The following FGF12 variants were observed in gnomAD, a reference collection of about 807,000 sequenced individuals.
FGF12 encodes the protein fibroblast growth factor 12, also known as fibroblast growth factor 12B.
FGF12 carries 14 observed loss-of-function variants against 23.6 expected under a neutral mutation model. That is an observed-to-expected ratio of 0.59 (90% CI 0.39 to 0.93). The LOEUF is 0.93. Ranked by LOEUF, FGF12 falls within the 40% of genes least tolerant of loss-of-function variation. The pLI is 0.00. For synonymous variants in FGF12, 62 were observed against 77.3 expected (o/e 0.80, Z 1.04); for missense variants, 175 against 217.8 (o/e 0.80, Z 1.24).
At position 192,404,081 on chromosome 3, in the gene FGF12, G is replaced by A. The variant is rs78271291; in HGVS notation, c.14-43543C>T. On this transcript the variant is annotated intron_variant, in intron 2 of 5. Coordinates refer to ENST00000445105, the MANE Select transcript of FGF12 (RefSeq NM_004113.6). The stretch of plus-strand genomic sequence containing the variant: ...TACTCCATTACTTTTTAAAGGGATC[G>A]GCGTATGAAATCAAATCTTTAAATT... Among the ~76,000 whole-genome samples the A allele has an allele frequency of 3.1e-4, 47 of 152,078 alleles. 1 individual carries two copies. In the East Asian group the frequency reaches 5.6e-3, roughly 18 times the overall value.
chr3:192,317,054 CT>C (rs1355181470), intron 4 of FGF12, among the ~76,000 whole-genome samples: 1 of 152,096 alleles, frequency 6.6e-6, no homozygotes. Flanking sequence ...CACCAGCTAA[CT>C]AAAGAGCCCT....
At chr3:192,552,083 C>A (rs1311502544) in intron 2 of FGF12, among the ~76,000 whole-genome samples, 1 of 151,840 alleles carries the variant, frequency 6.6e-6, no homozygotes, top group Non-Finnish European at 1.5e-5. Flanking sequence ...GAAAAGAAAA[C>A]TATAACATAG....
intron 2 of FGF12, among the ~76,000 whole-genome samples, chr3:192,463,323 G>A (rs978798986): frequency 2.6e-5 from 4 of 152,066 alleles, no homozygotes; most frequent in African/African-American, 7.2e-5. Context: ...GGGAGGCTGA[G>A]GCAGGAGAAT....
intron 2 of FGF12, among the ~76,000 whole-genome samples, chr3:192,609,189 C>T (rs1459120617): frequency 6.6e-6 from 1 of 152,106 alleles, no homozygotes; most frequent in East Asian, 1.9e-4. Flanking sequence ...ACGGTAGTCA[C>T]ACCCTCTACC....
intron 2 of FGF12, among the ~76,000 whole-genome samples, chr3:192,681,742 A>G (rs1343120726): frequency 1.5e-5 from 2 of 129,352 alleles, no homozygotes; most frequent in African/African-American, 6.3e-5. Context: ...ACAGATGGGC[A>G]TACAGGGAGC....
intron 2 of FGF12, among the ~76,000 whole-genome samples, chr3:192,490,935 T>C (rs1723784392): frequency 6.6e-6 from 1 of 152,064 alleles, no homozygotes; most frequent in African/African-American, 2.4e-5. Context: ...GAATGTTCTG[T>C]TTTCTAATCT....
At position 192,514,591 on chromosome 3, in the gene FGF12, C is replaced by A; in HGVS notation, c.14-154053G>T. The A allele has an allele frequency of 1.5e-6, 1 of 659,618 alleles. No individual in the cohort carries two copies. The allele number at this position is 659,618 out of a possible 1,614,324, so 40.9% of individuals were successfully genotyped here. A position where few individuals can be genotyped will look rare whatever the true frequency, so the allele number is the denominator to read the frequency against. The stretch of plus-strand genomic sequence containing the variant: ...CAGCGCTGAATGAAGCAGAGGAGGG[C>A]GGCGGAGAGGGCCCCGGAAGAAGGG... On this transcript the variant is annotated intron_variant, in intron 2 of 5. Coordinates refer to ENST00000445105, the MANE Select transcript of FGF12 (RefSeq NM_004113.6). The surrounding 1 kb of genome is among the most constrained non-coding windows in gnomAD (Gnocchi z 4.9).
At chr3:192,702,230 A>G (rs1465231429) in intron 2 of FGF12, among the ~76,000 whole-genome samples, 1 of 152,150 alleles carries the variant, frequency 6.6e-6, no homozygotes, top group South Asian at 2.1e-4. Context: ...GTAGTTTATT[A>G]TATATATACC....
chr3:192,237,044 T>G (rs1719337970), intron 4 of FGF12, among the ~76,000 whole-genome samples: 1 of 152,194 alleles, frequency 6.6e-6, no homozygotes, highest in African/African-American at 2.4e-5. Flanking sequence ...ACAAATTCCC[T>G]TAGTGTTTGC....
At chr3:192,505,065 C>T (rs1382403600) in intron 2 of FGF12, among the ~76,000 whole-genome samples, 1 of 152,004 alleles carries the variant, frequency 6.6e-6, no homozygotes, top group African/African-American at 2.4e-5. Context: ...TAGACTGGTA[C>T]GTATGGTACA....
chr3:192,699,270 T>C (rs1295021574), intron 2 of FGF12, among the ~76,000 whole-genome samples: 3 of 152,200 alleles, frequency 2.0e-5, no homozygotes, highest in South Asian at 2.1e-4. Context: ...CATTTTGTTA[T>C]ACCTTAGTGT....
At chr3:192,382,806 A>T (rs1056559481) in intron 2 of FGF12, among the ~76,000 whole-genome samples, 4 of 152,342 alleles carry the variant, frequency 2.6e-5, no homozygotes, top group African/African-American at 9.6e-5. Context: ...GAATGCCTAT[A>T]TTTAAAACTT....
At chr3:192,195,524 T>G (rs1717021696) in intron 4 of FGF12, among the ~76,000 whole-genome samples, 1 of 152,186 alleles carries the variant, frequency 6.6e-6, no homozygotes, top group Non-Finnish European at 1.5e-5. Context: ...ATGGACAGGT[T>G]TGTAGCCTAG....
intron 2 of FGF12, among the ~76,000 whole-genome samples, chr3:192,517,687 C>T (rs1361950608): frequency 6.6e-6 from 1 of 152,156 alleles, no homozygotes; most frequent in Non-Finnish European, 1.5e-5. Context: ...TAATAGTAAG[C>T]TCGTACTTTG....
chr3:192,273,735 ACTT>A (rs1314804651), intron 4 of FGF12, among the ~76,000 whole-genome samples: 2 of 152,084 alleles, frequency 1.3e-5, no homozygotes, highest in Non-Finnish European at 2.9e-5. Context: ...CTCCCATAAA[ACTT>A]CTTCTTTAAA....
chr3:192,319,173 C>T (rs1440739165), intron 4 of FGF12, among the ~76,000 whole-genome samples: 1 of 152,090 alleles, frequency 6.6e-6, no homozygotes, highest in Non-Finnish European at 1.5e-5. Context: ...AATAAGAAAC[C>T]ATCTGAGGGC....
intron 2 of FGF12, among the ~76,000 whole-genome samples, chr3:192,469,682 G>A (rs1723113614): frequency 6.6e-6 from 1 of 152,190 alleles, no homozygotes; most frequent in East Asian, 1.9e-4. Context: ...GTCTATAAAG[G>A]AATGTGTGTA....
chr3:192,574,400 C>T (rs549323708), intron 2 of FGF12, among the ~76,000 whole-genome samples: 2 of 152,296 alleles, frequency 1.3e-5, no homozygotes, highest in East Asian at 3.9e-4. Context: ...ACTATGTCTG[C>T]TCTGCAGGAG....
At chr3:192,587,189 G>A (rs1713408732) in intron 2 of FGF12, among the ~76,000 whole-genome samples, 1 of 148,770 alleles carries the variant, frequency 6.7e-6, no homozygotes, top group Admixed American at 6.6e-5. Context: ...ATTACCTTCT[G>A]GTAGTAATGG....
Sources: gnomAD v4.1 joint callset for allele counts (sites outside exome capture counted in the v4.1 genomes callset) on GRCh38, gnomAD v4.1.1 for gene constraint, Gnocchi (gnomAD v3.1) non-coding constraint, MANE v1.5 for transcripts, NCBI Gene and HGNC (gene_info 2026-07-23, HGNC 2026-07-21) for gene names.